The following OPCML variants were observed in gnomAD, a reference collection of about 807,000 sequenced individuals.
The protein encoded by OPCML is opioid-binding protein/cell adhesion molecule.
In OPCML, 13 loss-of-function variants were observed where a neutral mutation model predicts 37.8. That is an observed-to-expected ratio of 0.34 (90% confidence interval 0.22 to 0.55). The LOEUF is 0.55. Among genes scored for constraint, OPCML ranks in the 20% least tolerant of loss-of-function variants. The pLI is 0.91. For missense variants in OPCML, 341 were observed against 435.6 expected, an observed-to-expected ratio of 0.78 and a Z score of 1.93; for synonymous variants, 176 against 168.8, an observed-to-expected ratio of 1.04 and a Z score of -0.33.
At chr11:133,315,373 G>T (rs1413601148) in intron 1 of OPCML, among the ~76,000 whole-genome samples, 1 of 152,030 alleles carries the variant, frequency 6.6e-6, no homozygotes, top group African/African-American at 2.4e-5. Flanking sequence ...TTCTGGGGTG[G>T]AAATGCTGGT....
chr11:133,288,995 T>C (rs1942383047), intron 1 of OPCML, among the ~76,000 whole-genome samples: 1 of 152,086 alleles, frequency 6.6e-6, no homozygotes, highest in South Asian at 2.1e-4. Flanking sequence ...GTGGAACTCT[T>C]AGAACACAGT....
intron 1 of OPCML, among the ~76,000 whole-genome samples, chr11:133,252,674 C>A (rs1446687666): frequency 6.6e-6 from 1 of 152,144 alleles, no homozygotes; most frequent in East Asian, 1.9e-4. Context: ...CTAGTTTCTG[C>A]CTATTTCTCT....
intron 3 of OPCML, among the ~76,000 whole-genome samples, chr11:132,621,442 T>C (rs1939401739): frequency 6.6e-6 from 1 of 152,202 alleles, no homozygotes; most frequent in African/African-American, 2.4e-5. Context: ...TTATGGAATC[T>C]GTAAATGGAA....
chr11:133,018,941 C>T (rs1947393975), intron 1 of OPCML, among the ~76,000 whole-genome samples: 1 of 152,240 alleles, frequency 6.6e-6, no homozygotes, highest in Admixed American at 6.5e-5. Context: ...ACTGACTCTG[C>T]TCCTGCTTTT....
chr11:132,463,758 A>G (rs2096110788), intron 4 of OPCML, among the ~76,000 whole-genome samples: 1 of 152,242 alleles, frequency 6.6e-6, no homozygotes, highest in Non-Finnish European at 1.5e-5. Flanking sequence ...GCATTTAAGT[A>G]GCTTTCTAAA....
At chr11:133,356,431 T>C (rs1387776011) in intron 1 of OPCML, among the ~76,000 whole-genome samples, 1 of 152,172 alleles carries the variant, frequency 6.6e-6, no homozygotes, top group Non-Finnish European at 1.5e-5. Flanking sequence ...CTATTGCCTC[T>C]CCACAATCGG....
intron 1 of OPCML, among the ~76,000 whole-genome samples, chr11:133,233,466 A>T (rs534621166): frequency 1.3e-5 from 2 of 152,298 alleles, no homozygotes; most frequent in Admixed American, 1.3e-4. Context: ...ATGCCATGGT[A>T]AATTAGTACA....
chr11:132,541,516 ATTTT>A (rs59821039), intron 3 of OPCML, among the ~76,000 whole-genome samples: 1 of 143,492 alleles, frequency 7.0e-6, no homozygotes. Flanking sequence ...CTATATCCAG[ATTTT>A]TTTTTTTTTT....
chr11:132,787,370 G>A lies in OPCML; in HGVS notation c.147-130051C>T, dbSNP rs114142923. Among the ~76,000 whole-genome samples, 528 of 152,236 alleles carry A rather than the reference G, an allele frequency of 3.5e-3. 5 individuals carry two copies. Among genetic ancestry groups the A allele is most frequent in the African/African-American group, 0.012 (496 of 41,552 alleles). The stretch of plus-strand genomic sequence containing the variant: ...ACGGAATGAAGGTATTACAGAATTT[G>A]TTTATTTGTAATAGGCCCTTTTGGT... On this transcript the variant is annotated intron_variant, in intron 2 of 7. Coordinates refer to ENST00000524381, the MANE Select transcript of OPCML (RefSeq NM_001012393.5).
At chr11:132,999,827 C>T (rs1467917976) in intron 1 of OPCML, among the ~76,000 whole-genome samples, 2 of 152,092 alleles carry the variant, frequency 1.3e-5, no homozygotes, top group African/African-American at 4.8e-5. Flanking sequence ...GGAAAGGCGA[C>T]AGGGGTCTAT....
chr11:133,088,655 T>C (rs1371475014), intron 1 of OPCML, among the ~76,000 whole-genome samples: 1 of 152,192 alleles, frequency 6.6e-6, no homozygotes, highest in African/African-American at 2.4e-5. Context: ...ATTAATTATA[T>C]AACATGGATA....
At chr11:132,819,790 A>G (rs1054071962) in intron 2 of OPCML, among the ~76,000 whole-genome samples, 1 of 152,198 alleles carries the variant, frequency 6.6e-6, no homozygotes, top group Non-Finnish European at 1.5e-5. Flanking sequence ...CATCATCAGT[A>G]AGTCACTTTA....
intron 1 of OPCML, among the ~76,000 whole-genome samples, chr11:133,021,065 C>T (rs1025617597): frequency 2.6e-5 from 4 of 152,134 alleles, no homozygotes; most frequent in Admixed American, 2.6e-4. Context: ...AGAGGTCTCC[C>T]ACTCCTTACT....
At chr11:133,483,396 A>C (rs1386278336) in intron 1 of OPCML, among the ~76,000 whole-genome samples, 1 of 151,844 alleles carries the variant, frequency 6.6e-6, no homozygotes, top group Non-Finnish European at 1.5e-5. Flanking sequence ...ACATAGATAA[A>C]TAGATGATTG....
chr11:132,531,876 A>G (rs977109100), intron 3 of OPCML, among the ~76,000 whole-genome samples: 9 of 152,112 alleles, frequency 5.9e-5, no homozygotes, highest in African/African-American at 2.2e-4. Flanking sequence ...ATATTCTCAG[A>G]ATAACGTCGC....
At chr11:132,610,380 A>G (rs1938566954) in intron 3 of OPCML, among the ~76,000 whole-genome samples, 1 of 152,222 alleles carries the variant, frequency 6.6e-6, no homozygotes, top group African/African-American at 2.4e-5. Flanking sequence ...TGAAAGCTCT[A>G]TCAGTTTGAC....
At chr11:132,809,572 G>C (rs376450953) in intron 2 of OPCML, among the ~76,000 whole-genome samples, 1 of 151,964 alleles carries the variant, frequency 6.6e-6, no homozygotes, top group African/African-American at 2.4e-5. Context: ...GTTCCCCAGG[G>C]TTAATAAAAG....
intron 1 of OPCML, among the ~76,000 whole-genome samples, chr11:132,999,596 CA>C (rs1946957457): frequency 2.7e-5 from 4 of 150,060 alleles, no homozygotes; most frequent in African/African-American, 5.1e-5. Flanking sequence ...CGGTAATGAA[CA>C]AAAGCTTTTT....
chr11:133,110,089 A>T (rs1053393731), intron 1 of OPCML, among the ~76,000 whole-genome samples: 2 of 152,212 alleles, frequency 1.3e-5, no homozygotes, highest in African/African-American at 4.8e-5. Flanking sequence ...AATGCATAGG[A>T]CAACCCTGTA....
Sources: allele counts gnomAD v4.1 joint callset (sites outside exome capture counted in the v4.1 genomes callset), GRCh38; gene constraint gnomAD v4.1.1; transcripts MANE v1.5; gene names NCBI Gene and HGNC (gene_info 2026-07-23, HGNC 2026-07-21).